The following ASXL3 variants were observed in gnomAD, a reference collection of about 807,000 sequenced individuals.
ASXL3 encodes putative Polycomb group protein ASXL3.
ASXL3 carries 34 observed loss-of-function variants against 170.6 expected under a neutral mutation model. The observed-to-expected ratio is 0.20, with a 90% CI of 0.15 to 0.27. ASXL3 has a LOEUF of 0.27. Ranked by LOEUF, ASXL3 falls within the 10% of genes least tolerant of loss-of-function variation. The pLI is 1.00. For synonymous variants in ASXL3, 1,002 were observed against 989.1 expected, an observed-to-expected ratio of 1.01 and a Z score of -0.24; for missense variants, 2,592 against 2,695.3, an observed-to-expected ratio of 0.96 and a Z score of 0.85.
chr18:33,673,056 C>T (rs1268028105), intron 7 of ASXL3, among the ~76,000 whole-genome samples: 1 of 152,112 alleles, frequency 6.6e-6, no homozygotes, highest in Non-Finnish European at 1.5e-5. Flanking sequence ...TGGACATATT[C>T]TTTCCTAATA....
At chr18:33,580,649 T>C (rs537839292) in intron 1 of ASXL3, among the ~76,000 whole-genome samples, 1 of 152,230 alleles carries the variant, frequency 6.6e-6, no homozygotes, top group Non-Finnish European at 1.5e-5. Flanking sequence ...AATAATGATA[T>C]ATCTGTATTG....
At chr18:33,678,254 C>T (rs1260713469) in intron 7 of ASXL3, among the ~76,000 whole-genome samples, 1 of 152,102 alleles carries the variant, frequency 6.6e-6, no homozygotes, top group African/African-American at 2.4e-5. Context: ...TCATTCCTCT[C>T]TAATTCCTTG....
chr18:33,597,224 G>A (rs920358832), intron 1 of ASXL3, among the ~76,000 whole-genome samples: 5 of 151,922 alleles, frequency 3.3e-5, no homozygotes, highest in South Asian at 2.1e-4. Flanking sequence ...AATTATTAAC[G>A]CTAATATTTT....
Position 33,739,804 on chromosome 18 carries a change from G to C in ASXL3, c.2400G>C (p.Gln800His). ...CTCTGGGAGAGAACCTTACCTCCCA[G>C]CAGAAGAATCTGTCTAATACTCCCG... Reference protein sequence around the residue: ...AKPLGENLTSQQKNLSNTPEP... With the variant: ...AKPLGENLTSHQKNLSNTPEP... The change falls in exon 11 of 12, where the codon CAG becomes CAC. Residue 800 changes from glutamine (Q) to histidine (H), a missense_variant. By Grantham distance (24) the Gln-to-His change is conservative. Transcript: ENST00000269197. 6.2e-7 allele frequency: 1 copy of C among 1,613,844 alleles called. No individual in the cohort carries two copies. Among genetic ancestry groups the C allele is most frequent in the Non-Finnish European group, 8.5e-7 (1 of 1,179,836 alleles).
chr18:33,728,494 T>C (rs2145389030), intron 8 of ASXL3, among the ~76,000 whole-genome samples: 1 of 152,238 alleles, frequency 6.6e-6, no homozygotes, highest in Middle Eastern at 3.4e-3. Flanking sequence ...TGTAGAAAAA[T>C]TTCAGATTTC....
intron 2 of ASXL3, among the ~76,000 whole-genome samples, chr18:33,633,028 A>G (rs188685780): frequency 1.1e-4 from 16 of 152,232 alleles, no homozygotes; most frequent in African/African-American, 3.9e-4. Context: ...ACGTTCCTGC[A>G]CACCACATTC....
intron 2 of ASXL3, among the ~76,000 whole-genome samples, chr18:33,632,820 T>C (rs934481794): frequency 6.6e-6 from 1 of 152,190 alleles, no homozygotes; most frequent in African/African-American, 2.4e-5. Context: ...AATCTATCTT[T>C]GTGCTAATAA....
Position 33,744,414 on chromosome 18 carries a change from TAGC to T in ASXL3, c.4569_4571del (p.Ser1523del). On this transcript the variant is annotated inframe_deletion, in exon 12 of 12. Transcript: ENST00000269197. ...TGGCGTGTCCTCAGGTGTCTGTGATTAGCAGGCCTGAGCCAGTTGCCAACGAAG... is the reference window on the plus strand; with the variant it reads ...TGGCGTGTCCTCAGGTGTCTGTGATTAGGCCTGAGCCAGTTGCCAACGAAG... The T allele has an allele frequency of 6.2e-7, 1 of 1,613,896 alleles. No homozygotes were observed. Among genetic ancestry groups the T allele is most frequent in the Non-Finnish European group, 8.5e-7 (1 of 1,179,832 alleles).
chr18:33,745,925 C>A lies in ASXL3; in HGVS notation c.6077C>A (p.Pro2026His). ...CCGCCGCCACCGCCTCCCCCTCCCC[C>A]TCCACCCTTGGCTTTGCCCCCGCCT... ...HPPPPPPPPP[P>H]PPLALPPPPP... Residue 2026 changes from proline (P) to histidine (H), a missense_variant, in exon 12 of 12, where the codon CCT becomes CAT. Pro to His is a moderately conservative substitution (Grantham distance 77). Around this residue, in one of 4 missense-constraint regions of ASXL3, gnomAD observed 2,246 missense variants for 2,219.6 expected, o/e 1.01. Coordinates refer to ENST00000269197, the MANE Select transcript of ASXL3 (RefSeq NM_030632.3). 2 of 1,564,214 alleles carry A rather than the reference C, an allele frequency of 1.3e-6. No homozygotes were observed. The highest frequency in any genetic ancestry group is 1.7e-6 in the Non-Finnish European group (2 of 1,158,184).
At chr18:33,699,888 T>C (rs556702456) in intron 8 of ASXL3, among the ~76,000 whole-genome samples, 18 of 152,192 alleles carry the variant, frequency 1.2e-4, no homozygotes, top group African/African-American at 4.3e-4. Context: ...TTATTTTTTA[T>C]TTATATTATT....
intron 2 of ASXL3, among the ~76,000 whole-genome samples, chr18:33,621,862 A>G (rs2065519728): frequency 6.6e-6 from 1 of 152,230 alleles, no homozygotes; most frequent in East Asian, 1.9e-4. Flanking sequence ...CTCTTTTCAG[A>G]TTTTCCCCAT....
rs1314927022 is a variant in ASXL3, at chr18:33,746,430, G to A, written c.6582G>A (p.Gln2194=). 6.2e-7 allele frequency: 1 copy of A among 1,613,942 alleles called. No homozygotes were observed. The highest frequency in any genetic ancestry group is 8.5e-7 in the Non-Finnish European group (1 of 1,179,892). Residue 2194 remains glutamine (Q), a synonymous_variant, in exon 12 of 12, where the codon CAG becomes CAA. Transcript: ENST00000269197. ...PATGLSGQNA[Q]MPVQNFADSS... ...CAGGCTTGTCTGGTCAGAACGCTCA[G>A]ATGCCCGTTCAGAACTTTGCCGACA...
chr18:33,706,042 A>G (rs1439682024), intron 8 of ASXL3, among the ~76,000 whole-genome samples: 3 of 151,430 alleles, frequency 2.0e-5, no homozygotes, highest in East Asian at 3.9e-4. Flanking sequence ...GTGTGTAGCA[A>G]CAGTTCTCAT....
chr18:33,711,577 G>A (rs1357490296), intron 8 of ASXL3, among the ~76,000 whole-genome samples: 2 of 152,162 alleles, frequency 1.3e-5, no homozygotes, highest in Non-Finnish European at 2.9e-5. Flanking sequence ...ATAATGAATT[G>A]TGTCACTGGT....
At chr18:33,722,720 G>A (rs1052771852) in intron 8 of ASXL3, among the ~76,000 whole-genome samples, 1 of 152,140 alleles carries the variant, frequency 6.6e-6, no homozygotes, top group South Asian at 2.1e-4. Context: ...ATTGATGAAG[G>A]TGGCTATGTT....
chr18:33,707,464 T>C lies in ASXL3; in HGVS notation c.879+23896T>C, dbSNP rs972277133. ...CAATTTGTTCCTGTGTCTTTGCTGA[T>C]TTTTGCTGGTATTATAAATTGTTGC... On this transcript the variant is annotated intron_variant, in intron 8 of 11. Transcript: ENST00000269197. Among the ~76,000 whole-genome samples, 3 of 151,914 alleles carry C rather than the reference T, an allele frequency of 2.0e-5. No homozygotes were observed. The East Asian group carries it at 5.8e-4, about 29-fold the overall frequency.
At chr18:33,580,246 TGTG>T (rs1362905959) in intron 1 of ASXL3, among the ~76,000 whole-genome samples, 1 of 152,194 alleles carries the variant, frequency 6.6e-6, no homozygotes, top group African/African-American at 2.4e-5. Context: ...AAACTTAAGT[TGTG>T]GGGAATATGT....
chr18:33,640,449 A>G (rs1395442482), intron 2 of ASXL3, among the ~76,000 whole-genome samples: 1 of 152,068 alleles, frequency 6.6e-6, no homozygotes, highest in East Asian at 1.9e-4. Flanking sequence ...CAGTTGATGT[A>G]CACTGGGTTA....
chr18:33,708,343 T>A (rs1445190109), intron 8 of ASXL3, among the ~76,000 whole-genome samples: 1 of 152,166 alleles, frequency 6.6e-6, no homozygotes, highest in Non-Finnish European at 1.5e-5. Context: ...AATAAAAAAA[T>A]TAACAGCTCT....
Sources: gnomAD v4.1 joint callset for allele counts (sites outside exome capture counted in the v4.1 genomes callset) on GRCh38, gnomAD v4.1.1 for gene constraint, gnomAD v4.1.1 regional missense constraint, MANE v1.5 for transcripts, NCBI Gene and HGNC (gene_info 2026-07-23, HGNC 2026-07-21) for gene names.